UROC1: variants seen among roughly 807,000 people sequenced by gnomAD.
UROC1 encodes urocanate hydratase.
UROC1 carries 79 observed loss-of-function variants against 89.5 expected under a neutral mutation model. The ratio of observed to expected loss-of-function variants is 0.88; its 90% CI spans 0.74 to 1.06. The LOEUF is 1.06. Ranked by LOEUF, UROC1 falls within the 50% of genes least tolerant of loss-of-function variation. The probability of loss-of-function intolerance (pLI) is 0.00; values close to 1 mark genes in which losing one functional copy is unlikely to be tolerated. For synonymous variants in UROC1, 361 were observed against 354.8 expected, an observed-to-expected ratio of 1.02 and a Z score of -0.20; for missense variants, 885 against 907.8, an observed-to-expected ratio of 0.97 and a Z score of 0.32.
intron 8 of UROC1, 149 bp from the exon 9 acceptor site, chr3:126,504,232 C>A: frequency 1.3e-6 from 1 of 765,076 alleles, no homozygotes; most frequent in Admixed American, 2.1e-5. Flanking sequence ...CCATGAGCTG[C>A]CCTCCCTCTA....
chr3:126,493,178 C>T (rs1383877019), intron 15 of UROC1, among the ~76,000 whole-genome samples: 2 of 152,052 alleles, frequency 1.3e-5, no homozygotes, highest in Admixed American at 6.6e-5. Flanking sequence ...TGTGTAGCCC[C>T]GCGGTCCTCA....
At chr3:126,509,168 T>A (rs919451374) in intron 3 of UROC1, among the ~76,000 whole-genome samples, 6 of 150,812 alleles carry the variant, frequency 4.0e-5, no homozygotes, top group African/African-American at 1.5e-4. Context: ...CCCCGGAGGT[T>A]GAGGTTGCAG....
At chr3:126,504,400 A>G (rs1936007112) in intron 8 of UROC1, among the ~76,000 whole-genome samples, 1 of 152,138 alleles carries the variant, frequency 6.6e-6, no homozygotes, top group Non-Finnish European at 1.5e-5. Context: ...TTCAACTAAG[A>G]CTGACCAATG....
chr3:126,497,806 G>A (rs1052044706), intron 14 of UROC1, among the ~76,000 whole-genome samples: 1 of 152,212 alleles, frequency 6.6e-6, no homozygotes, highest in African/African-American at 2.4e-5. Context: ...GAGGCTTGGT[G>A]TGGGTGGGGC....
rs557671448 is a variant in UROC1, at chr3:126,503,994, C to G, written c.902+1G>C. The G allele has an allele frequency of 6.2e-7, 1 of 1,614,080 alleles. No homozygotes were observed. Among genetic ancestry groups the G allele is most frequent in the South Asian group, 1.1e-5 (1 of 91,090 alleles). On this transcript the variant is annotated splice_donor_variant, in intron 9 of 19. Coordinates refer to ENST00000290868, the MANE Select transcript of UROC1 (RefSeq NM_144639.3). LOFTEE classifies it high-confidence loss of function. Reference sequence around the variant, plus strand: ...GTCCGGAGTTGAGCTTGGAGCTGTACCTGAGCCTCTGGATGCAGCGGTCCA... The same window carrying G: ...GTCCGGAGTTGAGCTTGGAGCTGTAGCTGAGCCTCTGGATGCAGCGGTCCA...
chr3:126,489,477 T>C, intron 16 of UROC1, 102 bp from the exon 17 acceptor site: 1 of 908,220 alleles, frequency 1.1e-6, no homozygotes, highest in Non-Finnish European at 1.8e-6. Flanking sequence ...CCGCTGGATT[T>C]CTCCTCCTGG....
rs767118596 is a variant in UROC1, at chr3:126,496,043, G to C, written c.1504C>G (p.Arg502Gly). The C allele has an allele frequency of 6.2e-7, 1 of 1,613,136 alleles. No individual in the cohort carries two copies. Among genetic ancestry groups the C allele is most frequent in the Non-Finnish European group, 8.5e-7 (1 of 1,179,930 alleles). The change falls in exon 15 of 20, where the codon CGG (arginine) becomes GGG (glycine). Residue 502 changes from arginine to glycine, a missense_variant. By Grantham distance (125) the Arg-to-Gly change is moderately radical (BLOSUM62 -2). Coordinates refer to ENST00000290868, the MANE Select transcript of UROC1 (RefSeq NM_144639.3). The stretch of plus-strand genomic sequence containing the variant: ...CCCCAGGCCTGGGCCCTCACCAGCC[G>C]GTGCCTGGCGGCCTCCCGGATCCAG... ...IRWIREAARH[R>G]LVVGSQARIL... is the part of the protein sequence containing the mutation.
At chr3:126,498,887 C>T (rs976040914) in intron 13 of UROC1, among the ~76,000 whole-genome samples, 6 of 152,164 alleles carry the variant, frequency 3.9e-5, no homozygotes, top group Admixed American at 3.9e-4. Flanking sequence ...TCTCTGGCTC[C>T]CGCCCTCATC....
Position 126,508,073 on chromosome 3 carries a change from A to C in UROC1, c.434T>G (p.Leu145Trp). 1 of 1,613,986 alleles carries C rather than the reference A, an allele frequency of 6.2e-7. No homozygotes were observed. The stretch of plus-strand genomic sequence containing the variant: ...AGTCTGCTCCTCTGTCATCTTCGAC[A>C]AGTAGAACATGGTCAGCCAGAACTG... ...WAQFWLTMFY[L>W]SKMTEEQTLV... Residue 145 changes from leucine (L) to tryptophan (W), a missense_variant, in exon 5 of 20, where the codon TTG becomes TGG. By Grantham distance (61) the Leu-to-Trp change is moderately conservative. Transcript: ENST00000290868.
At chr3:126,508,222 T>C in intron 4 of UROC1, 127 bp from the exon 5 acceptor site, 1 of 1,552,878 alleles carries the variant, frequency 6.4e-7, no homozygotes, top group Non-Finnish European at 8.8e-7. Context: ...CCAGTGGCCC[T>C]GGTGCCTCCC....
At chr3:126,503,803 G>C (rs1935990992) in intron 9 of UROC1, among the ~76,000 whole-genome samples, 192 bp downstream of exon 9, 1 of 152,226 alleles carries the variant, frequency 6.6e-6, no homozygotes, top group South Asian at 2.1e-4. Context: ...CCACCCGCGG[G>C]TCAGCCCTTG....
At chr3:126,489,624 A>G (rs545231421) in intron 16 of UROC1, among the ~76,000 whole-genome samples, 161 of 152,314 alleles carry the variant, frequency 1.1e-3, no homozygotes, top group Admixed American at 2.2e-3. Context: ...GATAGGCACA[A>G]CCATTATCAT....
intron 1 of UROC1, among the ~76,000 whole-genome samples, chr3:126,515,081 C>T (rs1463172042): frequency 6.6e-6 from 1 of 152,040 alleles, no homozygotes; most frequent in Non-Finnish European, 1.5e-5. Context: ...AGGACATAAC[C>T]CAGCAAAGCC....
chr3:126,498,067 T>C lies in UROC1; in HGVS notation c.1422A>G (p.Glu474=). 1.2e-6 allele frequency: 2 copies of C among 1,614,120 alleles called. No individual in the cohort carries two copies. Among genetic ancestry groups the C allele is most frequent in the Non-Finnish European group, 8.5e-7 (1 of 1,180,018 alleles). Residue 474 remains glutamate, a synonymous_variant, in exon 14 of 20, where the codon GAA becomes GAG. Coordinates refer to ENST00000290868, the MANE Select transcript of UROC1 (RefSeq NM_144639.3). ...TDELATSVLE[E]AIADGVKVSV... ...TGGCGTCACCTCCATCAGCAATGGC[T>C]TCCTCCAGCACAGATGTGGCCAGTT...
At chr3:126,504,431 G>T (rs1282166261) in intron 8 of UROC1, among the ~76,000 whole-genome samples, 7 of 152,176 alleles carry the variant, frequency 4.6e-5, no homozygotes, top group African/African-American at 1.7e-4. Context: ...AGAGGGTTTG[G>T]AGACATGACT....
intron 12 of UROC1, 64 bp downstream of exon 12, chr3:126,499,993 T>C: frequency 6.6e-7 from 1 of 1,511,836 alleles, no homozygotes; most frequent in Admixed American, 1.7e-5. Context: ...CCAGTGGCAC[T>C]GGCCTGAGAG....
rs972764257 is a variant in UROC1 at position 126,509,438 on chromosome 3, G to A, written c.351+147C>T. The A allele has an allele frequency of 7.8e-6, 6 of 766,712 alleles. No individual in the cohort carries two copies. The African/African-American group carries it at 8.6e-5, about 11-fold the overall frequency. The allele number at this position is 766,712 out of a possible 1,614,324, so 47.5% of individuals were successfully genotyped here. On this transcript the variant is annotated intron_variant, in intron 3 of 19. Coordinates refer to ENST00000290868, the MANE Select transcript of UROC1 (RefSeq NM_144639.3). ...GATGCAAACACTGGGGGAAGCCGAG[G>A]GAAGGGCCAGGGACCTCTCTTACTA...
intron 2 of UROC1, 65 bp downstream of exon 2, chr3:126,510,599 G>T (rs1936169682): frequency 6.3e-7 from 1 of 1,599,616 alleles, no homozygotes; most frequent in Non-Finnish European, 8.5e-7. Context: ...CTGGCCCCCA[G>T]CACAGTCCCT....
intron 13 of UROC1, among the ~76,000 whole-genome samples, chr3:126,498,524 G>A (rs1935835518): frequency 6.6e-6 from 1 of 152,050 alleles, no homozygotes; most frequent in Non-Finnish European, 1.5e-5. Context: ...GTAGCCTTGG[G>A]GAACTCGCCC....
Sources: allele counts gnomAD v4.1 joint callset (sites outside exome capture counted in the v4.1 genomes callset), GRCh38; gene constraint gnomAD v4.1.1; transcripts MANE v1.5; gene names NCBI Gene and HGNC (gene_info 2026-07-23, HGNC 2026-07-21).